ITPR2: variants seen among roughly 807,000 people sequenced by gnomAD.
The protein encoded by ITPR2 is inositol 1,4,5-trisphosphate receptor type 2, also known as inositol 1,4,5-trisphosphate-gated calcium channel ITPR2.
In ITPR2, 207 loss-of-function variants were observed where a neutral mutation model predicts 317.1. The ratio of observed to expected loss-of-function variants is 0.65; its 90% CI spans 0.58 to 0.73. The LOEUF (loss-of-function observed/expected upper bound fraction) is 0.73, where lower values mean the gene tolerates loss of function less well. ITPR2 is among the 30% of genes least tolerant of loss of function. ITPR2 has a pLI of 0.00. For missense variants in ITPR2, 2,613 were observed against 3,284.0 expected (o/e 0.80, Z 4.99); for synonymous variants, 1,156 against 1,149.1 (o/e 1.01, Z -0.12).
chr12:26,817,259 T>A (rs933246654), intron 1 of ITPR2, among the ~76,000 whole-genome samples: 1 of 151,494 alleles, frequency 6.6e-6, no homozygotes, highest in Non-Finnish European at 1.5e-5. Flanking sequence ...AAGATGACGT[T>A]TGTATCTCAG....
At chr12:26,761,818 T>G (rs184248127) in intron 2 of ITPR2, among the ~76,000 whole-genome samples, 71 of 152,186 alleles carry the variant, frequency 4.7e-4, no homozygotes, top group South Asian at 1.7e-3. Flanking sequence ...TTCAGTAAAC[T>G]ACAAGAGATC....
intron 1 of ITPR2, among the ~76,000 whole-genome samples, chr12:26,791,915 T>C (rs1342217577): frequency 6.6e-6 from 1 of 152,182 alleles, no homozygotes. Context: ...CAAAAAATCA[T>C]AGTCTTATTT....
chr12:26,762,675 C>T (rs1949657943), intron 2 of ITPR2, among the ~76,000 whole-genome samples: 1 of 152,064 alleles, frequency 6.6e-6, no homozygotes, highest in Non-Finnish European at 1.5e-5. Context: ...TCAGAATCAT[C>T]TACTGTAATG....
intron 45 of ITPR2, among the ~76,000 whole-genome samples, chr12:26,451,374 C>A (rs1277262164): frequency 2.7e-5 from 1 of 37,686 alleles, no homozygotes; most frequent in Non-Finnish European, 2.4e-4. Flanking sequence ...ATCACACACA[C>A]ACACACACAC....
chr12:26,571,833 G>A (rs1447572148), intron 34 of ITPR2, among the ~76,000 whole-genome samples: 1 of 152,224 alleles, frequency 6.6e-6, no homozygotes, highest in Non-Finnish European at 1.5e-5. Flanking sequence ...CTGACTTAGA[G>A]AGTGCTTCTG....
chr12:26,349,972 G>T (rs1446265033), intron 55 of ITPR2, among the ~76,000 whole-genome samples: 1 of 152,220 alleles, frequency 6.6e-6, no homozygotes, highest in African/African-American at 2.4e-5. Flanking sequence ...AAGGTACTGA[G>T]AGATGGGCTG....
chr12:26,521,041 T>G (rs1288712422), intron 37 of ITPR2, among the ~76,000 whole-genome samples: 1 of 152,166 alleles, frequency 6.6e-6, no homozygotes, highest in Non-Finnish European at 1.5e-5. Flanking sequence ...GAAAGTACAT[T>G]AAAGACTCAG....
At chr12:26,471,022 T>C (rs9738098) in intron 45 of ITPR2, among the ~76,000 whole-genome samples, 115,924 of 152,120 alleles carry the variant, frequency 0.76, 45,136 homozygotes, top group Non-Finnish European at 0.85. Context: ...GAAAAGCTCA[T>C]GAAAAATTTT....
In ITPR2 at chr12:26,340,164, C is replaced by T. The variant is rs758494207; in HGVS notation, c.8019+3G>A. ...CCAGCCCCATCTCCCTGAATGCACC[C>T]ACCTGCTCCTTGAGCTCCGCCAGCT... On this transcript the variant is annotated splice_donor_region_variant and intron_variant, in intron 56 of 56. Coordinates refer to ENST00000381340, the MANE Select transcript of ITPR2 (RefSeq NM_002223.4). 19 of 1,601,092 alleles carry T rather than the reference C, an allele frequency of 1.2e-5. No individual in the cohort carries two copies. The highest frequency in any genetic ancestry group is 1.4e-5 in the Non-Finnish European group (16 of 1,173,996).
chr12:26,654,154 G>A (rs767075727), intron 20 of ITPR2, 28 bp from the exon 21 acceptor site: 1 of 1,522,236 alleles, frequency 6.6e-7, no homozygotes, highest in Non-Finnish European at 8.7e-7. Flanking sequence ...AGCGGGGAGG[G>A]GGAGGGTGAA....
At chr12:26,406,781 T>C (rs952865811) in intron 52 of ITPR2, 2 of 152,180 alleles carry the variant, frequency 1.3e-5, no homozygotes, top group Non-Finnish European at 2.9e-5. Context: ...ACTTTTGCAG[T>C]TAACTACATG....
intron 4 of ITPR2, among the ~76,000 whole-genome samples, chr12:26,723,856 G>A (rs1948877489): frequency 6.6e-6 from 1 of 152,162 alleles, no homozygotes; most frequent in African/African-American, 2.4e-5. Context: ...GGGAACAGTT[G>A]TGCTTCTAGA....
rs1397313815 is a variant in ITPR2, at chr12:26,665,825, A to T, written c.1551+85T>A. The T allele has an allele frequency of 2.0e-5, 23 of 1,174,500 alleles. No homozygotes were observed. The Admixed American group carries it at 4.1e-4, about 21-fold the overall frequency. 72.8% of individuals were successfully genotyped at this position (1,174,500 alleles called of 1,614,324 possible). A position where few individuals can be genotyped will look rare whatever the true frequency, so the allele number is the denominator to read the frequency against. ...TAAGTTTTGGGATCATTTGCTTCATAGTAATAGATAACTAATACAAGGCCT... is the reference window on the plus strand; with the variant it reads ...TAAGTTTTGGGATCATTTGCTTCATTGTAATAGATAACTAATACAAGGCCT... On this transcript the variant is annotated intron_variant, in intron 14 of 56. Coordinates refer to ENST00000381340, the MANE Select transcript of ITPR2 (RefSeq NM_002223.4).
intron 48 of ITPR2, among the ~76,000 whole-genome samples, chr12:26,434,627 C>T (rs1941304678): frequency 6.6e-6 from 1 of 152,152 alleles, no homozygotes; most frequent in Admixed American, 6.5e-5. Flanking sequence ...TATTGACATG[C>T]TTCCAATCCA....
chr12:26,375,219 G>A (rs1411915463), intron 55 of ITPR2, among the ~76,000 whole-genome samples: 1 of 152,144 alleles, frequency 6.6e-6, no homozygotes, highest in Non-Finnish European at 1.5e-5. Flanking sequence ...GTAATGACTA[G>A]AACTGGGAAA....
At chr12:26,371,480 C>T (rs76666698) in intron 55 of ITPR2, among the ~76,000 whole-genome samples, 3,584 of 152,264 alleles carry the variant, frequency 0.024, 65 homozygotes, top group Middle Eastern at 0.037. Flanking sequence ...GGTAACAACT[C>T]CACAGGCAAG....
intron 55 of ITPR2, among the ~76,000 whole-genome samples, chr12:26,345,627 A>T (rs952443386): frequency 2.6e-5 from 4 of 152,198 alleles, no homozygotes; most frequent in African/African-American, 9.7e-5. Context: ...ATTAACTCCA[A>T]TATAGCAGCA....
intron 37 of ITPR2, among the ~76,000 whole-genome samples, chr12:26,546,622 G>GAACAA (rs1944396013): frequency 2.0e-5 from 3 of 151,966 alleles, no homozygotes; most frequent in Non-Finnish European, 2.9e-5. Context: ...AACAAAGCTG[G>GAACAA]AGGCATCAAA....
rs111272206 is a variant in ITPR2, at chr12:26,831,260, A to G, written c.92+1430T>C. Among the ~76,000 whole-genome samples the G allele has an allele frequency of 0.011, 1,656 of 152,324 alleles. 18 individuals carry two copies. Among genetic ancestry groups the G allele is most frequent in the African/African-American group, 0.038 (1,559 of 41,546 alleles). The stretch of plus-strand genomic sequence containing the variant: ...CTACCACGCTTTAGTTGCATAAGAA[A>G]GTAACACTGATGGAAAAGGGATTGA... On this transcript the variant is annotated intron_variant, in intron 1 of 56. Coordinates refer to ENST00000381340, the MANE Select transcript of ITPR2 (RefSeq NM_002223.4). The surrounding 1 kb of genome is among the most constrained non-coding windows in gnomAD (Gnocchi z 4.9).
Sources: allele counts gnomAD v4.1 joint callset (sites outside exome capture counted in the v4.1 genomes callset), GRCh38; gene constraint gnomAD v4.1.1; non-coding constraint Gnocchi (gnomAD v3.1); transcripts MANE v1.5; gene names NCBI Gene and HGNC (gene_info 2026-07-23, HGNC 2026-07-21).